Variants in RFX3 observed in about 807,000 individuals in gnomAD.
The protein encoded by RFX3 is regulatory factor X3, also known as transcription factor RFX3.
In RFX3, 14 loss-of-function variants were observed where a neutral mutation model predicts 98.6. The ratio of observed to expected loss-of-function variants is 0.14; its 90% CI spans 0.09 to 0.22. The LOEUF (loss-of-function observed/expected upper bound fraction) is 0.22, where lower values mean the gene tolerates loss of function less well. Ranked by LOEUF, RFX3 falls within the 10% of genes least tolerant of loss-of-function variation. The probability of loss-of-function intolerance (pLI) is 1.00; values close to 1 mark genes in which losing one functional copy is unlikely to be tolerated. For missense variants in RFX3, 639 were observed against 926.9 expected, an observed-to-expected ratio of 0.69 and a Z score of 4.03; for synonymous variants, 383 against 328.4, an observed-to-expected ratio of 1.17 and a Z score of -1.80.
At chr9:3,310,886 T>C (rs1363124925) in intron 4 of RFX3, among the ~76,000 whole-genome samples, 1 of 152,176 alleles carries the variant, frequency 6.6e-6, no homozygotes, top group Non-Finnish European at 1.5e-5. Context: ...GAGTGGCTTA[T>C]AAAATCAAAA....
At chr9:3,462,942 A>G (rs1847837138) in intron 1 of RFX3, among the ~76,000 whole-genome samples, 3 of 152,144 alleles carry the variant, frequency 2.0e-5, no homozygotes, top group Non-Finnish European at 4.4e-5. Flanking sequence ...GAGACATATC[A>G]TGTTCGTGGA....
intron 1 of RFX3, among the ~76,000 whole-genome samples, chr9:3,516,684 T>C (rs896111376): frequency 7.2e-5 from 11 of 152,206 alleles, no homozygotes; most frequent in Non-Finnish European, 1.5e-4. Context: ...AATTAATTTT[T>C]ATTCTGATCA....
intron 2 of RFX3, among the ~76,000 whole-genome samples, chr9:3,366,065 G>C (rs111926629): frequency 0.045 from 6,910 of 152,012 alleles, 546 homozygotes; most frequent in African/African-American, 0.16. Context: ...TTTTAGTTGT[G>C]TCACTGTGAT....
At chr9:3,309,251 C>T (rs1372105990) in intron 4 of RFX3, among the ~76,000 whole-genome samples, 2 of 152,044 alleles carry the variant, frequency 1.3e-5, no homozygotes, top group African/African-American at 2.4e-5. Context: ...AGGGAGATGT[C>T]GTATTTCACA....
intron 1 of RFX3, among the ~76,000 whole-genome samples, chr9:3,478,917 C>T (rs1346807291): frequency 6.6e-6 from 1 of 152,126 alleles, no homozygotes; most frequent in Non-Finnish European, 1.5e-5. Flanking sequence ...TTTCTTCCCC[C>T]AACTGAGCTG....
At chr9:3,325,941 T>C (rs1388537219) in intron 4 of RFX3, among the ~76,000 whole-genome samples, 3 of 152,190 alleles carry the variant, frequency 2.0e-5, no homozygotes, top group East Asian at 3.8e-4. Context: ...TTCAGAATTA[T>C]GACTGTAGCC....
At chr9:3,423,778 CATATATAT>C (rs61209874) in intron 1 of RFX3, among the ~76,000 whole-genome samples, 1,672 of 111,040 alleles carry the variant, frequency 0.015, 20 homozygotes, top group Admixed American at 0.027. Context: ...TATATATTTT[CATATATAT>C]ATATATATAT....
chr9:3,504,958 TATATATA>T (rs1226873627), intron 1 of RFX3, among the ~76,000 whole-genome samples: 1 of 60,484 alleles, frequency 1.7e-5, no homozygotes, highest in Non-Finnish European at 2.4e-5. Context: ...TAATATATAT[TATATATA>T]ATATATATTA....
At chr9:3,240,080 T>C (rs1819715773) in intron 15 of RFX3, among the ~76,000 whole-genome samples, 1 of 152,186 alleles carries the variant, frequency 6.6e-6, no homozygotes, top group African/African-American at 2.4e-5. Context: ...TGAAGCAGTC[T>C]AGGGCCAGAG....
At chr9:3,450,886 T>C (rs1201327355) in intron 1 of RFX3, among the ~76,000 whole-genome samples, 1 of 152,156 alleles carries the variant, frequency 6.6e-6, no homozygotes, top group Non-Finnish European at 1.5e-5. Flanking sequence ...CCTGGGAAAA[T>C]GGCTAAAACT....
At chr9:3,269,504 T>C (rs1366918778) in intron 11 of RFX3, among the ~76,000 whole-genome samples, 2 of 152,270 alleles carry the variant, frequency 1.3e-5, no homozygotes, top group African/African-American at 4.8e-5. Context: ...AACTGTCTCA[T>C]TTCTTAAAAA....
At chr9:3,380,525 G>A (rs1184047418) in intron 2 of RFX3, among the ~76,000 whole-genome samples, 4 of 152,182 alleles carry the variant, frequency 2.6e-5, no homozygotes, top group Admixed American at 1.3e-4. Flanking sequence ...CAGTAAGGCT[G>A]AAGTGATTTG....
intron 4 of RFX3, among the ~76,000 whole-genome samples, chr9:3,313,689 G>T (rs888654735): frequency 6.6e-6 from 1 of 152,176 alleles, no homozygotes; most frequent in Non-Finnish European, 1.5e-5. Flanking sequence ...TGACCTGATG[G>T]AGCTGAAAAC....
At chr9:3,442,909 T>C (rs1274918759) in intron 1 of RFX3, among the ~76,000 whole-genome samples, 1 of 152,144 alleles carries the variant, frequency 6.6e-6, no homozygotes, top group Admixed American at 6.5e-5. Flanking sequence ...AATTAAAATT[T>C]TCTGCTCTTT....
chr9:3,489,925 G>C (rs566507576), intron 1 of RFX3, among the ~76,000 whole-genome samples: 176 of 152,100 alleles, frequency 1.2e-3, no homozygotes, highest in African/African-American at 4.1e-3. Flanking sequence ...ATCCTACCTG[G>C]GGCAGGATTG....
At chr9:3,381,654 A>G (rs1693844930) in intron 2 of RFX3, among the ~76,000 whole-genome samples, 1 of 152,094 alleles carries the variant, frequency 6.6e-6, no homozygotes, top group Non-Finnish European at 1.5e-5. Context: ...TTTCTTATAT[A>G]TATCTTTTCC....
chr9:3,386,661 T>C (rs956816474), intron 2 of RFX3, among the ~76,000 whole-genome samples: 8 of 152,140 alleles, frequency 5.3e-5, no homozygotes, highest in African/African-American at 1.9e-4. Context: ...TAGTCAATAG[T>C]ATCAAGTGTC....
chr9:3,484,991 T>TGGGAGGCTCAGGC (rs1468912372), intron 1 of RFX3, among the ~76,000 whole-genome samples: 1 of 150,720 alleles, frequency 6.6e-6, no homozygotes, highest in African/African-American at 2.4e-5. Flanking sequence ...CCTAGCTACT[T>TGGGAGGCTCAGGC]GGGAGGCTCA....
chr9:3,512,621 T>C (rs1817761369), intron 1 of RFX3, among the ~76,000 whole-genome samples: 1 of 151,930 alleles, frequency 6.6e-6, no homozygotes, highest in African/African-American at 2.4e-5. Flanking sequence ...TGTCTAGAAA[T>C]AGTCAAACCT....
Sources: allele counts gnomAD v4.1 joint callset (sites outside exome capture counted in the v4.1 genomes callset), GRCh38; gene constraint gnomAD v4.1.1; transcripts MANE v1.5; gene names NCBI Gene and HGNC (gene_info 2026-07-23, HGNC 2026-07-21).